FARS2: variants seen among roughly 807,000 people sequenced by gnomAD.
The protein encoded by FARS2 is phenylalanine--tRNA ligase, mitochondrial.
FARS2 carries 40 observed loss-of-function variants against 46.4 expected under a neutral mutation model. The ratio of observed to expected loss-of-function variants is 0.86; its 90% CI spans 0.67 to 1.12. The LOEUF is 1.12. FARS2 is among the 50% of genes most tolerant of loss of function. The pLI, the probability that FARS2 is intolerant of heterozygous loss-of-function variation, is 0.00. For synonymous variants in FARS2, 234 were observed against 214.9 expected (o/e 1.09, Z -0.78); for missense variants, 513 against 567.9 (o/e 0.90, Z 0.98).
intron 6 of FARS2, among the ~76,000 whole-genome samples, chr6:5,615,070 A>G (rs914470883): frequency 4.6e-5 from 7 of 152,186 alleles, no homozygotes; most frequent in African/African-American, 1.4e-4. Context: ...TATTATCTTT[A>G]TCAGGCTCCA....
At chr6:5,492,481 A>G (rs1023696334) in intron 4 of FARS2, among the ~76,000 whole-genome samples, 1 of 152,226 alleles carries the variant, frequency 6.6e-6, no homozygotes, top group African/African-American at 2.4e-5. Flanking sequence ...TGCTGGTTTT[A>G]TTTAAATGGG....
chr6:5,716,709 C>T (rs570494837), intron 6 of FARS2, among the ~76,000 whole-genome samples: 8 of 152,300 alleles, frequency 5.3e-5, no homozygotes, highest in African/African-American at 1.9e-4. Flanking sequence ...TGATTAATTT[C>T]CTAGAGCAGC....
rs138290404 is a variant in FARS2 at position 5,483,768 on chromosome 6, G to T, written c.904+52596G>T. ...AACTGGCTCAACAAAGGTAGCCCAAGAGATGGAGATGAAGAAGAGGATGAG... is the reference window on the plus strand; with the variant it reads ...AACTGGCTCAACAAAGGTAGCCCAATAGATGGAGATGAAGAAGAGGATGAG... On this transcript the variant is annotated intron_variant, in intron 4 of 6. Coordinates refer to ENST00000274680, the MANE Select transcript of FARS2 (RefSeq NM_006567.5). Among the ~76,000 whole-genome samples the T allele has an allele frequency of 8.5e-5, 13 of 152,298 alleles. No individual in the cohort carries two copies. The East Asian group carries it at 2.5e-3, about 29-fold the overall frequency.
chr6:5,523,296 G>T (rs1285050756), intron 4 of FARS2, among the ~76,000 whole-genome samples: 3 of 152,216 alleles, frequency 2.0e-5, no homozygotes, highest in Admixed American at 1.3e-4. Context: ...AGGTATGGTG[G>T]TGGTGAGCTG....
intron 6 of FARS2, among the ~76,000 whole-genome samples, chr6:5,760,737 T>G (rs1476715959): frequency 6.6e-6 from 1 of 152,236 alleles, no homozygotes; most frequent in Non-Finnish European, 1.5e-5. Context: ...AGGCTCACAA[T>G]TCTGTCTGTG....
At chr6:5,532,764 G>GTAGTAA (rs761581629) in intron 4 of FARS2, among the ~76,000 whole-genome samples, 1 of 148,808 alleles carries the variant, frequency 6.7e-6, no homozygotes, top group Admixed American at 6.7e-5. Flanking sequence ...AGTAGTAGTA[G>GTAGTAA]TAATAATAAT....
chr6:5,287,968 T>G (rs2127886649), intron 1 of FARS2, among the ~76,000 whole-genome samples: 1 of 152,304 alleles, frequency 6.6e-6, no homozygotes, highest in South Asian at 2.1e-4. Context: ...TGCAGGTATC[T>G]GTCATGTTCT....
At chr6:5,742,632 G>T (rs1445946466) in intron 6 of FARS2, among the ~76,000 whole-genome samples, 2 of 151,670 alleles carry the variant, frequency 1.3e-5, no homozygotes, top group Non-Finnish European at 2.9e-5. Flanking sequence ...TTGTTTGGTT[G>T]CATTTTCCTA....
chr6:5,672,509 G>A (rs1382701565), intron 6 of FARS2, among the ~76,000 whole-genome samples: 1 of 152,244 alleles, frequency 6.6e-6, no homozygotes, highest in African/African-American at 2.4e-5. Context: ...CGGGCAAGCT[G>A]TGATATAAAA....
chr6:5,351,956 A>G (rs943993042), intron 1 of FARS2, among the ~76,000 whole-genome samples: 2 of 152,196 alleles, frequency 1.3e-5, no homozygotes, highest in African/African-American at 4.8e-5. Flanking sequence ...AGATGCCACC[A>G]TGTCTACCAG....
Position 5,303,383 on chromosome 6 carries a change from G to A in FARS2, c.-22+41723G>A, listed in dbSNP as rs78272230. On this transcript the variant is annotated intron_variant, in intron 1 of 6. Transcript: ENST00000274680. The stretch of plus-strand genomic sequence containing the variant: ...ATTTTCCTGAGTGGGACTGGTGCCT[G>A]GACTGGCACAGGGCTGAAGCTGCAC... Among the ~76,000 whole-genome samples, 797 of 152,306 alleles carry A rather than the reference G, an allele frequency of 5.2e-3. 8 individuals are homozygous for A. Among genetic ancestry groups the A allele is most frequent in the African/African-American group, 0.018 (756 of 41,562 alleles).
chr6:5,604,089 C>T (rs559853591), intron 5 of FARS2, among the ~76,000 whole-genome samples: 3 of 152,318 alleles, frequency 2.0e-5, no homozygotes, highest in Admixed American at 2.0e-4. Flanking sequence ...CCTAGCAGCT[C>T]CTTAAAGGCC....
chr6:5,540,945 G>C (rs1218827214), intron 4 of FARS2, among the ~76,000 whole-genome samples: 1 of 152,128 alleles, frequency 6.6e-6, no homozygotes, highest in African/African-American at 2.4e-5. Context: ...AATCTGAGGT[G>C]GTGGGCCCAG....
chr6:5,560,867 G>C (rs955904145), intron 5 of FARS2, among the ~76,000 whole-genome samples: 1 of 152,112 alleles, frequency 6.6e-6, no homozygotes, highest in Non-Finnish European at 1.5e-5. Context: ...TGTGGCTCAC[G>C]CCTGTAATCC....
intron 1 of FARS2, among the ~76,000 whole-genome samples, chr6:5,292,805 A>T (rs1478195290): frequency 6.6e-6 from 1 of 152,184 alleles, no homozygotes; most frequent in African/African-American, 2.4e-5. Context: ...AGATGAGACC[A>T]AAAAAGGATA....
At chr6:5,423,785 T>G (rs960953501) in intron 3 of FARS2, among the ~76,000 whole-genome samples, 1 of 152,118 alleles carries the variant, frequency 6.6e-6, no homozygotes, top group Non-Finnish European at 1.5e-5. Flanking sequence ...TGTGGACGCA[T>G]AGGATATATA....
intron 5 of FARS2, among the ~76,000 whole-genome samples, chr6:5,580,703 A>T (rs1240651008): frequency 6.6e-6 from 1 of 152,172 alleles, no homozygotes. Context: ...GGAGGATGTG[A>T]TTGATCGTCA....
At chr6:5,620,773 C>T (rs1360888299) in intron 6 of FARS2, among the ~76,000 whole-genome samples, 2 of 152,244 alleles carry the variant, frequency 1.3e-5, no homozygotes, top group Non-Finnish European at 2.9e-5. Context: ...ATTAGCCCAA[C>T]TCAACTTTTC....
At chr6:5,270,221 T>C (rs181549249) in intron 1 of FARS2, among the ~76,000 whole-genome samples, 1 of 152,344 alleles carries the variant, frequency 6.6e-6, no homozygotes, top group Admixed American at 6.5e-5. Context: ...TTCTTGACGT[T>C]CTGAGATAAG....
Sources: gnomAD v4.1 joint callset for allele counts (sites outside exome capture counted in the v4.1 genomes callset) on GRCh38, gnomAD v4.1.1 for gene constraint, MANE v1.5 for transcripts, NCBI Gene and HGNC (gene_info 2026-07-23, HGNC 2026-07-21) for gene names.